The following AIG1 variants were observed in gnomAD, a reference collection of about 807,000 sequenced individuals.
AIG1 encodes the protein androgen induced 1, also known as androgen-induced gene 1 protein.
AIG1 carries 23 observed loss-of-function variants against 31.4 expected under a neutral mutation model. The observed-to-expected ratio is 0.73, with a 90% CI of 0.53 to 1.04. The LOEUF (loss-of-function observed/expected upper bound fraction) is 1.04. Ranked by LOEUF, AIG1 falls within the 50% of genes least tolerant of loss-of-function variation. The pLI, the probability that AIG1 is intolerant of heterozygous loss-of-function variation, is 0.00. For synonymous variants in AIG1, 100 were observed against 110.5 expected (o/e 0.90, Z 0.60); for missense variants, 274 against 295.0 (o/e 0.93, Z 0.52).
At chr6:143,091,556 G>T (rs1444907985) in intron 1 of AIG1, among the ~76,000 whole-genome samples, 1 of 152,188 alleles carries the variant, frequency 6.6e-6, no homozygotes, top group African/African-American at 2.4e-5. Flanking sequence ...AAAAAAAGCT[G>T]TGTCTCTATC....
intron 1 of AIG1, among the ~76,000 whole-genome samples, chr6:143,133,427 C>G (rs1301957660): frequency 6.6e-6 from 1 of 152,062 alleles, no homozygotes. Context: ...ATTGTTTAGC[C>G]TATTGCTTGT....
At chr6:143,197,150 G>A (rs922880976) in intron 3 of AIG1, among the ~76,000 whole-genome samples, 1 of 150,114 alleles carries the variant, frequency 6.7e-6, no homozygotes, top group African/African-American at 2.4e-5. Context: ...TCCCTTGAAA[G>A]TTCAAATGTT....
At chr6:143,083,955 A>T (rs1356780223) in intron 1 of AIG1, among the ~76,000 whole-genome samples, 1 of 152,148 alleles carries the variant, frequency 6.6e-6, no homozygotes, top group African/African-American at 2.4e-5. Context: ...TTTCAGGCAT[A>T]ATTAGAAAGG....
At chr6:143,094,422 T>G (rs1779569671) in intron 1 of AIG1, 2 of 152,198 alleles carry the variant, frequency 1.3e-5, no homozygotes, top group Non-Finnish European at 2.9e-5. Flanking sequence ...TGTAGGTTGT[T>G]GCTAATGGTA....
intron 3 of AIG1, among the ~76,000 whole-genome samples, chr6:143,202,984 G>A (rs1338339956): frequency 6.6e-6 from 1 of 152,152 alleles, no homozygotes. Context: ...TGTGGAAACA[G>A]AAACAATGTC....
At position 143,148,140 on chromosome 6, in the gene AIG1, G is replaced by A. The variant is rs1371240679; in HGVS notation, c.297+11150G>A. ...GCTTGCTCTTAGCAACCACAGTTAT[G>A]TGCTGTATAATGACGTTTTCATCAG... On this transcript the variant is annotated intron_variant, in intron 2 of 5. Coordinates refer to ENST00000357847, the MANE Select transcript of AIG1 (RefSeq NM_016108.4). Among the ~76,000 whole-genome samples the A allele has an allele frequency of 2.6e-5, 4 of 152,052 alleles. No individual in the cohort carries two copies. In the East Asian group the frequency reaches 7.7e-4, roughly 29 times the overall value.
At position 143,288,588 on chromosome 6, in the gene AIG1, T is replaced by G. The variant is rs1797851154; in HGVS notation, c.515+4363T>G. 6.6e-6 allele frequency among the ~76,000 whole-genome samples: 1 copy of G among 152,212 alleles called. No individual in the cohort carries two copies. Among genetic ancestry groups the G allele is most frequent in the Non-Finnish European group, 1.5e-5 (1 of 68,036 alleles). On this transcript the variant is annotated intron_variant, in intron 4 of 5. Coordinates refer to ENST00000357847, the MANE Select transcript of AIG1 (RefSeq NM_016108.4). This position sits in a 1 kb window ranked among gnomAD's most constrained non-coding sequence, Gnocchi z 4.4. ...ATATTCCAAATCTCATTTCCCCAAA[T>G]GTGTTCACTGAATAACTTTCCAACA...
At chr6:143,343,071 A>G, downstream of AIG1, 2 of 780,248 alleles carry the variant, frequency 2.6e-6, no homozygotes, top group Non-Finnish European at 4.8e-6. Flanking sequence ...CACTTGGTGC[A>G]TCTCGCGCCA....
chr6:143,285,228 C>A (rs1250026221), intron 4 of AIG1, among the ~76,000 whole-genome samples: 2 of 151,838 alleles, frequency 1.3e-5, no homozygotes, highest in African/African-American at 2.4e-5. Context: ...TCACATGATG[C>A]CCCAAATCTG....
chr6:143,126,260 C>A (rs187166763), intron 1 of AIG1: 1 of 152,224 alleles, frequency 6.6e-6, no homozygotes, highest in Non-Finnish European at 1.5e-5. Flanking sequence ...GCATTGATTT[C>A]TCTACGGAGT....
intron 3 of AIG1, among the ~76,000 whole-genome samples, chr6:143,197,509 T>C (rs568450674): frequency 6.6e-6 from 1 of 152,338 alleles, no homozygotes. Flanking sequence ...GGCATACTGA[T>C]CCTTATACTC....
At chr6:143,249,524 T>G (rs1294093093) in intron 3 of AIG1, among the ~76,000 whole-genome samples, 1 of 152,212 alleles carries the variant, frequency 6.6e-6, no homozygotes, top group African/African-American at 2.4e-5. Flanking sequence ...TCCTTTCATC[T>G]GACAGTAGTT....
At position 143,331,703 on chromosome 6, in the gene AIG1, A is replaced by C. The variant is rs2031580986; in HGVS notation, c.516-1579A>C. Among the ~76,000 whole-genome samples, 1 of 151,862 alleles carries C rather than the reference A, an allele frequency of 6.6e-6. No homozygotes were observed. The highest frequency in any genetic ancestry group is 1.5e-5 in the Non-Finnish European group (1 of 67,990). ...GTGTATCTGTGCTTTCTACATAAAA[A>C]GTGCAAAATTGTTTTACCACCAACC... is the stretch of plus-strand genomic sequence containing the variant. On this transcript the variant is annotated intron_variant, in intron 4 of 5. Coordinates refer to ENST00000357847, the MANE Select transcript of AIG1 (RefSeq NM_016108.4). The surrounding 1 kb of genome is among the most constrained non-coding windows in gnomAD (Gnocchi z 4.1).
Position 143,288,253 on chromosome 6 carries a change from G to T in AIG1, c.515+4028G>T, listed in dbSNP as rs1797826914. Among the ~76,000 whole-genome samples, 1 of 152,180 alleles carries T rather than the reference G, an allele frequency of 6.6e-6. No individual in the cohort carries two copies. The highest frequency in any genetic ancestry group is 1.5e-5 in the Non-Finnish European group (1 of 68,038). ...GAAACCAACTCAGACCCTAGGAAAT[G>T]TACACCCTCAAAGCTTCAAGAATGG... On this transcript the variant is annotated intron_variant, in intron 4 of 5. Transcript: ENST00000357847. The surrounding 1 kb of genome is among the most constrained non-coding windows in gnomAD (Gnocchi z 4.4).
chr6:143,287,957 A>G (rs1797803863), intron 4 of AIG1, among the ~76,000 whole-genome samples: 1 of 152,154 alleles, frequency 6.6e-6, no homozygotes, highest in South Asian at 2.1e-4. Flanking sequence ...ATATGAAAAT[A>G]TCTTTTTTTT....
chr6:143,247,975 C>T (rs539034202), intron 3 of AIG1, among the ~76,000 whole-genome samples: 32 of 152,230 alleles, frequency 2.1e-4, no homozygotes, highest in African/African-American at 4.8e-4. Flanking sequence ...AAGGCTCTTG[C>T]GTCTCATGGA....
chr6:143,264,624 C>T (rs961027935), intron 3 of AIG1, among the ~76,000 whole-genome samples: 1 of 152,194 alleles, frequency 6.6e-6, no homozygotes, highest in Non-Finnish European at 1.5e-5. Context: ...AGGATCATTT[C>T]CTTGAGACTC....
intron 1 of AIG1, among the ~76,000 whole-genome samples, chr6:143,079,084 AAGAG>A (rs377635305): frequency 3.3e-5 from 5 of 150,784 alleles, no homozygotes; most frequent in Admixed American, 1.3e-4. Context: ...AGCAGGAGAA[AAGAG>A]AGAGAGAGAG....
Position 143,333,473 on chromosome 6 carries a change from C to G in AIG1, c.679+28C>G, listed in dbSNP as rs1583903859. On this transcript the variant is annotated intron_variant, in intron 5 of 5. Transcript: ENST00000357847. The surrounding 1 kb of genome is among the most constrained non-coding windows in gnomAD (Gnocchi z 4.6). ...AAGTATTGTCTGAGGGAACATAAAA[C>G]AAGAGAATTACTGCCGGCAACAGTC... 8 of 1,607,016 alleles carry G rather than the reference C, an allele frequency of 5.0e-6. No individual in the cohort carries two copies. The East Asian group carries it at 1.8e-4, about 36-fold the overall frequency.
Sources: allele counts gnomAD v4.1 joint callset (sites outside exome capture counted in the v4.1 genomes callset), GRCh38; gene constraint gnomAD v4.1.1; non-coding constraint Gnocchi (gnomAD v3.1); transcripts MANE v1.5; gene names NCBI Gene and HGNC (gene_info 2026-07-23, HGNC 2026-07-21).